ZNF311: variants seen among roughly 807,000 people sequenced by gnomAD.
The protein encoded by ZNF311 is zinc finger protein zfp31.
ZNF311 carries 14 observed loss-of-function variants against 22.7 expected under a neutral mutation model. The ratio of observed to expected loss-of-function variants is 0.62; its 90% CI spans 0.41 to 0.96. ZNF311 has a LOEUF of 0.96. ZNF311 is among the 40% of genes least tolerant of loss of function. ZNF311 has a pLI of 0.00. For synonymous variants in ZNF311, 250 were observed against 275.3 expected, an observed-to-expected ratio of 0.91 and a Z score of 0.91; for missense variants, 731 against 799.0, an observed-to-expected ratio of 0.91 and a Z score of 1.03.
In ZNF311 at chr6:28,999,959, G is replaced by A. The variant is rs745707969; in HGVS notation, c.180C>T (p.Ala60=). 1 of 1,612,788 alleles carries A rather than the reference G, an allele frequency of 6.2e-7. No individual in the cohort carries two copies. The highest frequency in any genetic ancestry group is 1.3e-5 in the African/African-American group (1 of 75,012). ...GAGGAAAGGGGCCTCAGCTCACTTG[G>A]GCCTGGCTCATTAGTGTGATATCTG... is the stretch of plus-strand genomic sequence containing the variant. ...PQADITLMSQ[A]QESVTFEDVA... Residue 60 remains alanine, a synonymous_variant, in exon 4 of 7, where the codon GCC becomes GCT. Coordinates refer to ENST00000377179, the MANE Select transcript of ZNF311 (RefSeq NM_001382360.1).
At position 29,003,516 on chromosome 6, in the gene ZNF311, T is replaced by A. The variant is rs1325915712; in HGVS notation, c.88A>T (p.Ser30Cys). ...TRQDTQLPQE[S>C]ALLPAPYPAF... is the part of the protein sequence containing the mutation. The stretch of plus-strand genomic sequence containing the variant: ...CACAATCTCCTGTGTATCTCACCGC[T>A]TTCCTGAGGGAGCTGGGTATCCTGG... Residue 30 changes from serine to cysteine, a missense_variant, in exon 3 of 7, where the codon AGC becomes TGC. Transcript: ENST00000377179. 1 of 1,613,074 alleles carries A rather than the reference T, an allele frequency of 6.2e-7. No homozygotes were observed. Among genetic ancestry groups the A allele is most frequent in the South Asian group, 1.1e-5 (1 of 91,084 alleles).
intron 3 of ZNF311, among the ~76,000 whole-genome samples, chr6:29,000,837 C>T (rs960654960): frequency 1.3e-5 from 2 of 151,162 alleles, no homozygotes; most frequent in African/African-American, 4.9e-5. Flanking sequence ...AGTGCAGTGG[C>T]GTGATCTTGC....
In ZNF311 at chr6:29,000,004, G is replaced by A; in HGVS notation, c.135C>T (p.Ser45=). Reference sequence around the variant, plus strand: ...TATCTGCTTGCGGCAGGTTTCCTTGGCTTCCATCTTTAGTGAAGGCAGGAT... The same window carrying A: ...TATCTGCTTGCGGCAGGTTTCCTTGACTTCCATCTTTAGTGAAGGCAGGAT... The part of the protein sequence containing the change: ...APYPAFTKDG[S]QGNLPQADIT... The change falls in exon 4 of 7, where the codon AGC becomes AGT. Residue 45 remains serine, a synonymous_variant. Coordinates refer to ENST00000377179, the MANE Select transcript of ZNF311 (RefSeq NM_001382360.1). The A allele has an allele frequency of 6.2e-7, 1 of 1,613,736 alleles. No homozygotes were observed. Among genetic ancestry groups the A allele is most frequent in the African/African-American group, 1.3e-5 (1 of 75,010 alleles).
At position 28,996,134 on chromosome 6, in the gene ZNF311, G is replaced by C; in HGVS notation, c.868C>G (p.Leu290Val). The change falls in exon 7 of 7, where the codon CTT becomes GTT. Residue 290 changes from leucine (L) to valine (V), a missense_variant. Coordinates refer to ENST00000377179, the MANE Select transcript of ZNF311 (RefSeq NM_001382360.1). ...GTGTGGATTATCCGGTGCATAGAAA[G>C]CTGATTTCTGGTCTTGAATGCTTTC... ...CGKAFKTRNQ[L>V]SMHRIIHTGE... 1 of 1,613,402 alleles carries C rather than the reference G, an allele frequency of 6.2e-7. No individual in the cohort carries two copies. The highest frequency in any genetic ancestry group is 1.1e-5 in the South Asian group (1 of 91,072).
intron 6 of ZNF311, among the ~76,000 whole-genome samples, chr6:28,997,017 G>C (rs761642561): frequency 6.6e-6 from 1 of 152,220 alleles, no homozygotes; most frequent in African/African-American, 2.4e-5. Flanking sequence ...GCCCTGGAGA[G>C]CCATATTTCT....
At chr6:29,000,778 C>T (rs972825613) in intron 3 of ZNF311, among the ~76,000 whole-genome samples, 79 of 144,994 alleles carry the variant, frequency 5.4e-4, no homozygotes, top group African/African-American at 1.7e-3. Flanking sequence ...GAAGTAGTTT[C>T]TTTTTTTTTT....
intron 3 of ZNF311, 45 bp downstream of exon 3, chr6:29,003,468 T>G (rs747704994): frequency 6.3e-7 from 1 of 1,591,840 alleles, no homozygotes; most frequent in African/African-American, 1.3e-5. Context: ...CCTTACTACA[T>G]TCTCAGCTGC....
intron 1 of ZNF311, among the ~76,000 whole-genome samples, 152 bp downstream of exon 1, chr6:29,004,856 G>A (rs1780971015): frequency 6.6e-6 from 1 of 151,964 alleles, no homozygotes; most frequent in Admixed American, 6.6e-5. Context: ...CCTTTCCATT[G>A]GCTGCTCCCT....
chr6:29,001,028 G>A (rs1191617620), intron 3 of ZNF311, among the ~76,000 whole-genome samples: 1 of 152,008 alleles, frequency 6.6e-6, no homozygotes, highest in Non-Finnish European at 1.5e-5. Flanking sequence ...CACCCGCCTC[G>A]GCCTCCCAAA....
At chr6:29,004,300 G>T in intron 1 of ZNF311, 86 bp from the exon 2 acceptor site, 3 of 972,122 alleles carry the variant, frequency 3.1e-6, no homozygotes, top group Non-Finnish European at 2.7e-6. Flanking sequence ...AAGTCAAACT[G>T]AAAATGTGAA....
intron 6 of ZNF311, among the ~76,000 whole-genome samples, chr6:28,997,735 G>A (rs114357009): frequency 0.032 from 4,926 of 152,256 alleles, 110 homozygotes; most frequent in South Asian, 0.077. Flanking sequence ...GAGTGAGACT[G>A]CCTGGGTTCA....
chr6:28,994,926 A>T lies in ZNF311; in HGVS notation c.*75T>A. ...CACAATTAAGGGTCAGGAAATCAGG[A>T]ATAACTAATATAAGAGACAGAAGGA... On this transcript the variant is annotated 3_prime_UTR_variant, in exon 7 of 7. Transcript: ENST00000377179. The T allele has an allele frequency of 7.0e-7, 1 of 1,432,272 alleles. No homozygotes were observed. The highest frequency in any genetic ancestry group is 9.2e-7 in the Non-Finnish European group (1 of 1,086,764). The allele number at this position is 1,432,272 out of a possible 1,614,324, so 88.7% of individuals were successfully genotyped here.
chr6:29,002,954 T>C (rs1780652344), intron 3 of ZNF311, among the ~76,000 whole-genome samples: 1 of 152,176 alleles, frequency 6.6e-6, no homozygotes, highest in Non-Finnish European at 1.5e-5. Flanking sequence ...TTAACCACTT[T>C]TCCTCCTCAC....
rs548059546 is a variant in ZNF311, at chr6:28,996,159, C to T, written c.843G>A (p.Gly281=). 12 of 1,613,492 alleles carry T rather than the reference C, an allele frequency of 7.4e-6. No homozygotes were observed. Among genetic ancestry groups the T allele is most frequent in the Admixed American group, 5.0e-5 (3 of 60,014 alleles). ...GCTGATTTCTGGTCTTGAATGCTTTCCCACACTCATTACACACATGGGGTT... is the reference window on the plus strand; with the variant it reads ...GCTGATTTCTGGTCTTGAATGCTTTTCCACACTCATTACACACATGGGGTT... The part of the protein sequence containing the change: ...GEKPHVCNEC[G]KAFKTRNQLS... The change falls in exon 7 of 7, where the codon GGG becomes GGA. Residue 281 remains glycine, a synonymous_variant. Transcript: ENST00000377179.
Position 28,996,489 on chromosome 6 carries a change from G to A in ZNF311, c.513C>T (p.Leu171=), listed in dbSNP as rs1439148340. 1.2e-6 allele frequency: 2 copies of A among 1,607,856 alleles called. No individual in the cohort carries two copies. The highest frequency in any genetic ancestry group is 2.2e-5 in the South Asian group (2 of 91,072). The change falls in exon 7 of 7, where the codon CTC becomes CTT. Residue 171 remains leucine, a synonymous_variant. Transcript: ENST00000377179. ...GEAYWMKFNS[L]LKVDSRDPKV... is the part of the protein sequence containing the mutation. ...TAGGATCCCGGGAATCAACTTTTAGGAGACTGTTAAATTTCATCCAGTAGG... is the reference window on the plus strand; with the variant it reads ...TAGGATCCCGGGAATCAACTTTTAGAAGACTGTTAAATTTCATCCAGTAGG...
At chr6:28,999,212 A>C (rs1780079465) in intron 5 of ZNF311, among the ~76,000 whole-genome samples, 2 of 152,122 alleles carry the variant, frequency 1.3e-5, no homozygotes, top group Admixed American at 1.3e-4. Flanking sequence ...CACCCCATAA[A>C]AAAATGAGAG....
Position 28,994,892 on chromosome 6 carries a change from G to C in ZNF311, c.*109C>G, listed in dbSNP as rs1308881673. ...TAAGAAGGTAAAGGACAATGTCTTT[G>C]GGGAATCTCACAATTAAGGGTCAGG... On this transcript the variant is annotated 3_prime_UTR_variant, in exon 7 of 7. Coordinates refer to ENST00000377179, the MANE Select transcript of ZNF311 (RefSeq NM_001382360.1). The C allele has an allele frequency of 8.1e-7, 1 of 1,238,972 alleles. No homozygotes were observed. The highest frequency in any genetic ancestry group is 1.6e-5 in the South Asian group (1 of 60,796). The allele number at this position is 1,238,972 out of a possible 1,614,324, so 76.7% of individuals were successfully genotyped here. A position where few individuals can be genotyped will look rare whatever the true frequency, so the allele number is the denominator to read the frequency against.
At position 28,996,149 on chromosome 6, in the gene ZNF311, T is replaced by C; in HGVS notation, c.853A>G (p.Lys285Glu). Reference protein sequence around the residue: ...HVCNECGKAFKTRNQLSMHRI... With the variant: ...HVCNECGKAFETRNQLSMHRI... ...TGCATAGAAAGCTGATTTCTGGTCTTGAATGCTTTCCCACACTCATTACAC... is the reference window on the plus strand; with the variant it reads ...TGCATAGAAAGCTGATTTCTGGTCTCGAATGCTTTCCCACACTCATTACAC... The change falls in exon 7 of 7, where the codon AAG (lysine) becomes GAG (glutamate). Residue 285 changes from lysine to glutamate, a missense_variant. Transcript: ENST00000377179. The C allele has an allele frequency of 6.2e-7, 1 of 1,613,384 alleles. No individual in the cohort carries two copies. The highest frequency in any genetic ancestry group is 8.5e-7 in the Non-Finnish European group (1 of 1,179,996).
intron 6 of ZNF311, 81 bp from the exon 7 acceptor site, chr6:28,996,667 A>G: frequency 1.4e-6 from 2 of 1,460,046 alleles, no homozygotes; most frequent in Admixed American, 4.7e-5. Flanking sequence ...CTGTTTGAAG[A>G]GTAAATAACT....
Sources: allele counts gnomAD v4.1 joint callset (sites outside exome capture counted in the v4.1 genomes callset), GRCh38; gene constraint gnomAD v4.1.1; transcripts MANE v1.5; gene names NCBI Gene and HGNC (gene_info 2026-07-23, HGNC 2026-07-21).